The following MGMT variants were observed in gnomAD, a reference collection of about 807,000 sequenced individuals.
The protein encoded by MGMT is O-6-methylguanine-DNA methyltransferase, also known as methylated-DNA--protein-cysteine methyltransferase.
MGMT carries 14 observed loss-of-function variants against 15.9 expected under a neutral mutation model. That is an observed-to-expected ratio of 0.88 (90% CI 0.58 to 1.37). The LOEUF (loss-of-function observed/expected upper bound fraction) is 1.37, where lower values mean the gene tolerates loss of function less well. Among genes scored for constraint, MGMT ranks in the 40% most tolerant of loss-of-function variants. The pLI, the probability that MGMT is intolerant of heterozygous loss-of-function variation, is 0.00. For synonymous variants in MGMT, 130 were observed against 118.2 expected (o/e 1.10, Z -0.65); for missense variants, 282 against 268.1 (o/e 1.05, Z -0.36).
intron 2 of MGMT, among the ~76,000 whole-genome samples, chr10:129,635,900 C>G (rs1008343634): frequency 6.6e-6 from 1 of 152,180 alleles, no homozygotes; most frequent in African/African-American, 2.4e-5. Context: ...CTGCAAGGAG[C>G]TCCTGCTGTA....
At chr10:129,599,450 G>A (rs2133059968) in intron 2 of MGMT, among the ~76,000 whole-genome samples, 1 of 152,324 alleles carries the variant, frequency 6.6e-6, no homozygotes, top group Non-Finnish European at 1.5e-5. Flanking sequence ...GGATCCTGAT[G>A]GGTATTCCTC....
chr10:129,556,590 C>T lies in MGMT; in HGVS notation c.125+20213C>T, dbSNP rs574197979. The stretch of plus-strand genomic sequence containing the variant: ...GTGATGCTGTGCAGTTCAGCTTTAC[C>T]GTCTTGCTGCAGCGGGAACGTCCTG... On this transcript the variant is annotated intron_variant, in intron 2 of 4. Transcript: ENST00000651593. This position sits in a 1 kb window ranked among gnomAD's most constrained non-coding sequence, Gnocchi z 4.3. Among the ~76,000 whole-genome samples the T allele has an allele frequency of 3.3e-5, 5 of 152,248 alleles. No individual in the cohort carries two copies. Among genetic ancestry groups the T allele is most frequent in the East Asian group, 3.9e-4 (2 of 5,160 alleles).
chr10:129,522,567 A>T (rs1384288573), intron 1 of MGMT, among the ~76,000 whole-genome samples: 2 of 152,216 alleles, frequency 1.3e-5, no homozygotes, highest in Non-Finnish European at 2.9e-5. Context: ...GACTGATTAT[A>T]TCATTAAGTG....
rs375773836 is a variant in MGMT, at chr10:129,759,357, G to A, written c.414+16G>A. 1.1e-4 allele frequency: 170 copies of A among 1,613,880 alleles called. No homozygotes were observed. The highest frequency in any genetic ancestry group is 3.3e-4 in the Middle Eastern group (2 of 6,034). On this transcript the variant is annotated intron_variant, in intron 4 of 4. Coordinates refer to ENST00000651593, the MANE Select transcript of MGMT (RefSeq NM_002412.5). ...AGGCAATCCTGTGAGTTCTCATGGC[G>A]CAAGCATGGCTGTGGGTGGCGGGTG...
chr10:129,522,463 C>T (rs1845824438), intron 1 of MGMT, among the ~76,000 whole-genome samples: 1 of 152,200 alleles, frequency 6.6e-6, no homozygotes. Context: ...GTCCTGGAGC[C>T]CCCATCCCAC....
intron 2 of MGMT, among the ~76,000 whole-genome samples, chr10:129,558,373 G>A (rs1052283415): frequency 1.3e-5 from 2 of 152,194 alleles, no homozygotes; most frequent in African/African-American, 4.8e-5. Context: ...AGATTTGTGG[G>A]TGTTTTTCCT....
chr10:129,604,526 T>G (rs994737261), intron 2 of MGMT, among the ~76,000 whole-genome samples: 1 of 152,200 alleles, frequency 6.6e-6, no homozygotes. Context: ...GAGCACCCAT[T>G]TGGTCAATCC....
chr10:129,484,036 A>T (rs950518638), intron 1 of MGMT, among the ~76,000 whole-genome samples: 4 of 152,118 alleles, frequency 2.6e-5, no homozygotes, highest in Non-Finnish European at 5.9e-5. Flanking sequence ...CAAAATTTTG[A>T]CTGTATTTCA....
intron 3 of MGMT, among the ~76,000 whole-genome samples, chr10:129,735,491 T>G (rs990474852): frequency 2.0e-4 from 30 of 152,208 alleles, no homozygotes; most frequent in African/African-American, 7.0e-4. Context: ...ATCAATTTTG[T>G]TGATCCTTTC....
At chr10:129,763,020 A>G (rs942302826) in intron 4 of MGMT, among the ~76,000 whole-genome samples, 1 of 152,176 alleles carries the variant, frequency 6.6e-6, no homozygotes, top group African/African-American at 2.4e-5. Flanking sequence ...TTCAGCCGGT[A>G]CCAGAATCAG....
intron 1 of MGMT, among the ~76,000 whole-genome samples, chr10:129,516,658 T>G (rs1845741329): frequency 6.6e-6 from 1 of 152,212 alleles, no homozygotes; most frequent in Non-Finnish European, 1.5e-5. Flanking sequence ...AATAAAAAGC[T>G]GAATCAATAC....
At chr10:129,658,392 T>C (rs1230597528) in intron 2 of MGMT, among the ~76,000 whole-genome samples, 1 of 152,244 alleles carries the variant, frequency 6.6e-6, no homozygotes, top group Non-Finnish European at 1.5e-5. Context: ...ACCAAAATGC[T>C]GAATGACAGG....
At chr10:129,716,093 A>C (rs1848292797) in intron 3 of MGMT, among the ~76,000 whole-genome samples, 1 of 152,218 alleles carries the variant, frequency 6.6e-6, no homozygotes, top group African/African-American at 2.4e-5. Context: ...GCACGTTTTA[A>C]TTCCATACAA....
intron 2 of MGMT, among the ~76,000 whole-genome samples, chr10:129,594,437 C>T (rs1846726669): frequency 6.6e-6 from 1 of 152,216 alleles, no homozygotes; most frequent in South Asian, 2.1e-4. Flanking sequence ...AAAATATGTT[C>T]AGTCTTACAC....
Position 129,533,487 on chromosome 10 carries a change from G to C in MGMT, c.-12-2754G>C, listed in dbSNP as rs575693238. On this transcript the variant is annotated intron_variant, in intron 1 of 4. Transcript: ENST00000651593. The surrounding 1 kb of genome is among the most constrained non-coding windows in gnomAD (Gnocchi z 4.5). ...TGGCTCCATGGAGAGCGAAACCCAA[G>C]CTGGGCTGTTTACTGCCAGTCTGCT... is the stretch of plus-strand genomic sequence containing the variant. Among the ~76,000 whole-genome samples the C allele has an allele frequency of 6.6e-6, 1 of 152,328 alleles. No individual in the cohort carries two copies. The highest frequency in any genetic ancestry group is 2.1e-4 in the South Asian group (1 of 4,828).
At chr10:129,570,849 C>T (rs1846409695) in intron 2 of MGMT, among the ~76,000 whole-genome samples, 1 of 152,102 alleles carries the variant, frequency 6.6e-6, no homozygotes, top group African/African-American at 2.4e-5. Flanking sequence ...TCTATAAGGG[C>T]CTGAGGGCCT....
In MGMT at chr10:129,629,174, C is replaced by T. The variant is rs563890600; in HGVS notation, c.126-78721C>T. On this transcript the variant is annotated intron_variant, in intron 2 of 4. Transcript: ENST00000651593. ...ATTAGGTCTTCCCTTGTGAGTGGCT[C>T]GTATTCTTTTCAAGATACTGTAAAT... Among the ~76,000 whole-genome samples the T allele has an allele frequency of 3.9e-5, 6 of 152,334 alleles. No individual in the cohort carries two copies. The East Asian group carries it at 9.7e-4, about 25-fold the overall frequency.
chr10:129,679,793 T>C (rs924468582), intron 2 of MGMT, among the ~76,000 whole-genome samples: 4 of 152,206 alleles, frequency 2.6e-5, no homozygotes, highest in African/African-American at 9.7e-5. Flanking sequence ...ACAAACCTAA[T>C]GCCTTCCTTT....
At chr10:129,529,070 T>C (rs916470875) in intron 1 of MGMT, among the ~76,000 whole-genome samples, 11 of 151,668 alleles carry the variant, frequency 7.3e-5, no homozygotes, top group Admixed American at 2.6e-4. Flanking sequence ...TGAGCATGGT[T>C]GTGAGTGAGA....
Sources: allele counts gnomAD v4.1 joint callset (sites outside exome capture counted in the v4.1 genomes callset), GRCh38; gene constraint gnomAD v4.1.1; non-coding constraint Gnocchi (gnomAD v3.1); transcripts MANE v1.5; gene names NCBI Gene and HGNC (gene_info 2026-07-23, HGNC 2026-07-21).